Variants in VAT1L observed in about 807,000 individuals in gnomAD.
VAT1L encodes vesicle amine transport 1 like.
Under a neutral mutation model 44.1 loss-of-function variants are expected in VAT1L, and 34 were observed. The ratio of observed to expected loss-of-function variants is 0.77; its 90% CI spans 0.59 to 1.03. The LOEUF is 1.03. Among genes scored for constraint, VAT1L ranks in the 50% least tolerant of loss-of-function variants. The pLI, the probability that VAT1L is intolerant of heterozygous loss-of-function variation, is 0.00. For synonymous variants in VAT1L, 253 were observed against 202.2 expected (o/e 1.25, Z -2.13); for missense variants, 615 against 538.8 (o/e 1.14, Z -1.40).
chr16:77,850,497 G>T (rs533460659), intron 3 of VAT1L, among the ~76,000 whole-genome samples: 2 of 152,166 alleles, frequency 1.3e-5, no homozygotes, highest in South Asian at 4.2e-4. Context: ...ATGACTATAT[G>T]ACCCTATTTG....
intron 3 of VAT1L, among the ~76,000 whole-genome samples, chr16:77,826,221 A>T (rs2016521724): frequency 7.1e-6 from 1 of 139,990 alleles, no homozygotes; most frequent in Non-Finnish European, 1.6e-5. Flanking sequence ...AAAAAAAAAA[A>T]GAAAAAGAGA....
intron 7 of VAT1L, among the ~76,000 whole-genome samples, chr16:77,908,220 CAGAG>C (rs1469056515): frequency 2.0e-5 from 3 of 148,068 alleles, no homozygotes; most frequent in Non-Finnish European, 4.5e-5. Flanking sequence ...GCCTGGGTGA[CAGAG>C]TGAGACTCTG....
intron 3 of VAT1L, among the ~76,000 whole-genome samples, chr16:77,845,740 C>T (rs563743741): frequency 2.0e-5 from 3 of 152,296 alleles, no homozygotes; most frequent in South Asian, 2.1e-4. Flanking sequence ...GACTAGCTCC[C>T]CTTTTTCCTC....
rs73574879 is a variant in VAT1L at position 77,824,417 on chromosome 16, A to G, written c.364-829A>G. ...CTTGTGAAATGTATTAGCTTTTTGC[A>G]CTGCAAATGTATTTTAAAAGTTATT... On this transcript the variant is annotated intron_variant, in intron 2 of 8. Transcript: ENST00000302536. Among the ~76,000 whole-genome samples the G allele has an allele frequency of 6.5e-3, 984 of 152,264 alleles. 7 individuals carry two copies. Among genetic ancestry groups the G allele is most frequent in the Middle Eastern group, 0.031 (9 of 294 alleles).
intron 3 of VAT1L, among the ~76,000 whole-genome samples, chr16:77,835,045 GT>G (rs564919367): frequency 6.6e-6 from 1 of 152,028 alleles, no homozygotes; most frequent in African/African-American, 2.4e-5. Flanking sequence ...GTTTGCTTTT[GT>G]TTTTTTAATT....
chr16:77,839,673 A>G (rs1358725267), intron 3 of VAT1L, among the ~76,000 whole-genome samples: 1 of 151,842 alleles, frequency 6.6e-6, no homozygotes, highest in African/African-American at 2.4e-5. Context: ...ATTGGGTGGT[A>G]CACAACCTTG....
At chr16:77,925,904 G>T (rs1238743655) in intron 7 of VAT1L, among the ~76,000 whole-genome samples, 2 of 152,036 alleles carry the variant, frequency 1.3e-5, no homozygotes, top group African/African-American at 2.4e-5. Context: ...TGCTTTATTG[G>T]GTCCTTGAGT....
intron 3 of VAT1L, among the ~76,000 whole-genome samples, chr16:77,853,331 A>T (rs1004515246): frequency 2.0e-5 from 3 of 152,214 alleles, no homozygotes; most frequent in Non-Finnish European, 4.4e-5. Flanking sequence ...CTCAACTAGG[A>T]AAAGAGGAAG....
chr16:77,954,900 ATTT>A (rs1567521172), intron 7 of VAT1L, among the ~76,000 whole-genome samples: 1 of 152,192 alleles, frequency 6.6e-6, no homozygotes, highest in Non-Finnish European at 1.5e-5. Flanking sequence ...AACATATGCG[ATTT>A]TTTACTTTTT....
At chr16:77,905,297 T>A (rs1232374461) in intron 7 of VAT1L, among the ~76,000 whole-genome samples, 1 of 152,180 alleles carries the variant, frequency 6.6e-6, no homozygotes, top group African/African-American at 2.4e-5. Flanking sequence ...AGAAAAGAAT[T>A]TGAAGCAAAA....
At chr16:77,943,353 C>T (rs1017259414) in intron 7 of VAT1L, among the ~76,000 whole-genome samples, 3 of 151,472 alleles carry the variant, frequency 2.0e-5, no homozygotes, top group South Asian at 4.2e-4. Flanking sequence ...CGTGAACCAC[C>T]GCACTTGGCC....
At chr16:77,881,281 C>A (rs2017152142) in intron 6 of VAT1L, among the ~76,000 whole-genome samples, 1 of 152,168 alleles carries the variant, frequency 6.6e-6, no homozygotes, top group African/African-American at 2.4e-5. Flanking sequence ...TTTCTGAGCA[C>A]CTGCTGTTTG....
intron 7 of VAT1L, among the ~76,000 whole-genome samples, chr16:77,966,157 C>G (rs1296916414): frequency 2.0e-5 from 3 of 152,142 alleles, no homozygotes; most frequent in Non-Finnish European, 2.9e-5. Context: ...TTTTACATTT[C>G]TTGACGTGGT....
chr16:77,880,730 C>G (rs1050080646), intron 6 of VAT1L, among the ~76,000 whole-genome samples: 19 of 150,242 alleles, frequency 1.3e-4, no homozygotes, highest in Non-Finnish European at 2.7e-4. Flanking sequence ...GAGCATAGTA[C>G]CCAATAGTTT....
chr16:77,972,813 AAAT>A (rs899635709), intron 8 of VAT1L, among the ~76,000 whole-genome samples: 3 of 149,744 alleles, frequency 2.0e-5, no homozygotes, highest in African/African-American at 4.9e-5. Context: ...AAAATAATAA[AAAT>A]AATGTAAAAT....
chr16:77,861,041 G>T (rs530035570), intron 3 of VAT1L, among the ~76,000 whole-genome samples: 6 of 152,256 alleles, frequency 3.9e-5, no homozygotes, highest in African/African-American at 1.2e-4. Flanking sequence ...TATCTATAGA[G>T]CAGTCAGGGG....
chr16:77,858,490 AT>A (rs1224401691), intron 3 of VAT1L, among the ~76,000 whole-genome samples: 4 of 152,312 alleles, frequency 2.6e-5, no homozygotes, highest in African/African-American at 9.6e-5. Context: ...TTGAGCATTG[AT>A]TGTTCTAGGC....
chr16:77,836,078 G>T (rs925582881), intron 3 of VAT1L, among the ~76,000 whole-genome samples: 1 of 152,118 alleles, frequency 6.6e-6, no homozygotes, highest in African/African-American at 2.4e-5. Flanking sequence ...GGTATTACTT[G>T]TGAACTTGGG....
chr16:77,959,328 T>G (rs2018137759), intron 7 of VAT1L, among the ~76,000 whole-genome samples: 1 of 152,256 alleles, frequency 6.6e-6, no homozygotes, highest in Non-Finnish European at 1.5e-5. Flanking sequence ...AAGAAGCTAC[T>G]TGGCAAAAGC....
Sources: allele counts gnomAD v4.1 joint callset (sites outside exome capture counted in the v4.1 genomes callset), GRCh38; gene constraint gnomAD v4.1.1; transcripts MANE v1.5; gene names NCBI Gene and HGNC (gene_info 2026-07-23, HGNC 2026-07-21).